Variants in SMIM35 observed in about 807,000 individuals in gnomAD.
SMIM35 encodes the protein small integral membrane protein 35.
intron 1 of SMIM35, among the ~76,000 whole-genome samples, chr11:118,058,405 G>T (rs1447776114): frequency 3.3e-5 from 5 of 152,170 alleles, no homozygotes; most frequent in Non-Finnish European, 7.4e-5. Flanking sequence ...GCTGCACATG[G>T]ACCCAAGGCG....
chr11:118,016,343 A>T (rs2058183031), intron 1 of SMIM35, among the ~76,000 whole-genome samples: 1 of 152,122 alleles, frequency 6.6e-6, no homozygotes. Flanking sequence ...TTTATTTGTA[A>T]AGTCAAACCA....
At chr11:118,011,960 GA>G (rs1258612167) in intron 4 of SMIM35, among the ~76,000 whole-genome samples, 1 of 152,220 alleles carries the variant, frequency 6.6e-6, no homozygotes, top group African/African-American at 2.4e-5. Context: ...TATGCTGGGA[GA>G]ATGGCCTCCA....
chr11:118,037,107 C>T (rs1020717234), intron 1 of SMIM35, among the ~76,000 whole-genome samples: 54 of 91,700 alleles, frequency 5.9e-4, no homozygotes, highest in Non-Finnish European at 1.1e-3. Flanking sequence ...TCTCTCAGTC[C>T]CCCCTCTCAA....
At chr11:118,045,914 G>A (rs1944091342) in intron 1 of SMIM35, among the ~76,000 whole-genome samples, 1 of 152,252 alleles carries the variant, frequency 6.6e-6, no homozygotes, top group Non-Finnish European at 1.5e-5. Context: ...CTCTGGGCAA[G>A]ATTGAGTTTT....
intron 1 of SMIM35, among the ~76,000 whole-genome samples, chr11:118,082,412 T>C (rs1945206465): frequency 6.6e-6 from 1 of 152,012 alleles, no homozygotes. Flanking sequence ...GATATAAACA[T>C]TAGCCGAGCG....
intron 1 of SMIM35, among the ~76,000 whole-genome samples, chr11:118,070,873 G>C (rs1446389282): frequency 6.6e-6 from 1 of 152,090 alleles, no homozygotes; most frequent in Non-Finnish European, 1.5e-5. Flanking sequence ...GCCCCCTCCA[G>C]GATCTACGCA....
intron 1 of SMIM35, among the ~76,000 whole-genome samples, chr11:118,047,877 A>G (rs1210265708): frequency 1.3e-5 from 2 of 152,136 alleles, no homozygotes; most frequent in African/African-American, 4.8e-5. Flanking sequence ...AAGCTTTGCT[A>G]GGCAAGGTCT....
At chr11:118,062,191 G>A (rs927395722) in intron 1 of SMIM35, among the ~76,000 whole-genome samples, 6 of 152,322 alleles carry the variant, frequency 3.9e-5, no homozygotes, top group South Asian at 2.1e-4. Context: ...TTAGCTGGGC[G>A]TGGTGGTGAG....
At chr11:118,051,088 T>A (rs2135101457) in intron 1 of SMIM35, among the ~76,000 whole-genome samples, 1 of 152,348 alleles carries the variant, frequency 6.6e-6, no homozygotes, top group Non-Finnish European at 1.5e-5. Context: ...CATGTTTGCC[T>A]GTATGCAGAG....
chr11:118,056,690 C>T (rs1944315087), intron 1 of SMIM35, among the ~76,000 whole-genome samples: 1 of 152,096 alleles, frequency 6.6e-6, no homozygotes, highest in Non-Finnish European at 1.5e-5. Flanking sequence ...CAGAGGAACC[C>T]CTCGGGAACA....
chr11:118,055,857 T>A (rs555939028), intron 1 of SMIM35, among the ~76,000 whole-genome samples: 1 of 152,208 alleles, frequency 6.6e-6, no homozygotes, highest in Non-Finnish European at 1.5e-5. Context: ...TGACAGGTAA[T>A]CTGTGCTATA....
chr11:118,084,719 A>G (rs1377887482), intron 1 of SMIM35, among the ~76,000 whole-genome samples: 2 of 152,260 alleles, frequency 1.3e-5, no homozygotes, highest in African/African-American at 2.4e-5. Context: ...CTATGTTTCA[A>G]GCACCAAGCC....
chr11:118,048,537 A>AGAAGGAAG (rs59910847), intron 1 of SMIM35, among the ~76,000 whole-genome samples: 1,630 of 122,746 alleles, frequency 0.013, 21 homozygotes, highest in East Asian at 0.038. Flanking sequence ...GAAGAAAGAA[A>AGAAGGAAG]GAAGGAAGGA....
intron 2 of SMIM35, among the ~76,000 whole-genome samples, 164 bp downstream of exon 2, chr11:118,015,529 A>G (rs561313636): frequency 2.6e-5 from 4 of 152,258 alleles, no homozygotes; most frequent in African/African-American, 7.2e-5. Context: ...CACCACCTCA[A>G]CTGCTCAGCC....
At chr11:118,064,552 G>A (rs1193406470) in intron 1 of SMIM35, among the ~76,000 whole-genome samples, 2 of 152,178 alleles carry the variant, frequency 1.3e-5, no homozygotes, top group Non-Finnish European at 2.9e-5. Flanking sequence ...CTGAGTAGCT[G>A]GGACTACAGG....
At chr11:118,060,658 G>A (rs568806040) in intron 1 of SMIM35, among the ~76,000 whole-genome samples, 5 of 152,182 alleles carry the variant, frequency 3.3e-5, no homozygotes, top group Admixed American at 3.3e-4. Flanking sequence ...GAGAGCAACT[G>A]CAAATGGCTG....
At chr11:118,044,873 G>C (rs576051198) in intron 1 of SMIM35, among the ~76,000 whole-genome samples, 1 of 151,396 alleles carries the variant, frequency 6.6e-6, no homozygotes, top group Non-Finnish European at 1.5e-5. Flanking sequence ...CCTCCAGCAG[G>C]TGATTGGACA....
chr11:118,028,940 G>A, intron 1 of SMIM35: 1 of 409,966 alleles, frequency 2.4e-6, no homozygotes, highest in Non-Finnish European at 4.8e-6. Context: ...AGAGGAAGAG[G>A]AGGAGGAGGA....
chr11:118,070,132 G>T (rs187522190), intron 1 of SMIM35, among the ~76,000 whole-genome samples: 1 of 152,284 alleles, frequency 6.6e-6, no homozygotes, highest in East Asian at 1.9e-4. Context: ...AAAACAAATG[G>T]GATAAAGTAA....
Sources: allele counts gnomAD v4.1 joint callset (sites outside exome capture counted in the v4.1 genomes callset), GRCh38; gene constraint gnomAD v4.1.1; transcripts MANE v1.5; gene names NCBI Gene and HGNC (gene_info 2026-07-23, HGNC 2026-07-21).